Variants in SLC36A1 observed in about 807,000 individuals in gnomAD.
The protein encoded by SLC36A1 is solute carrier family 36 member 1, also known as proton-coupled amino acid transporter 1.
SLC36A1 carries 30 observed loss-of-function variants against 47.5 expected under a neutral mutation model. That is an observed-to-expected ratio of 0.63 (90% CI 0.47 to 0.86). The LOEUF is 0.86. Ranked by LOEUF, SLC36A1 falls within the 40% of genes least tolerant of loss-of-function variation. SLC36A1 has a pLI of 0.00. For missense variants in SLC36A1, 517 were observed against 606.0 expected (o/e 0.85, Z 1.54); for synonymous variants, 255 against 249.7 (o/e 1.02, Z -0.20).
At chr5:151,536,972 A>G in the SLC36A1 span, among the ~76,000 whole-genome samples, 1 of 151,960 alleles carries the variant, frequency 6.6e-6, no homozygotes, top group African/African-American at 2.4e-5. Flanking sequence ...TCTTTGTATA[A>G]ATTCTCCTGC....
chr5:151,538,215 G>A, the SLC36A1 span, among the ~76,000 whole-genome samples: 1 of 152,330 alleles, frequency 6.6e-6, no homozygotes, highest in South Asian at 2.1e-4. Flanking sequence ...GAACGAGTCA[G>A]AAAAGAGAGA....
chr5:151,550,919 C>G, the SLC36A1 span: 2 of 1,583,284 alleles, frequency 1.3e-6, no homozygotes, highest in South Asian at 1.2e-5. Flanking sequence ...CCCAGGGGAA[C>G]AGGGACTGGG....
the SLC36A1 span, among the ~76,000 whole-genome samples, chr5:151,539,513 T>C: frequency 6.6e-6 from 1 of 152,216 alleles, no homozygotes; most frequent in African/African-American, 2.4e-5. Flanking sequence ...TGCATAGGTA[T>C]TTGCCTGTGT....
At chr5:151,412,816 A>G in the SLC36A1 span, 1 of 144,226 alleles carries the variant, frequency 6.9e-6, no homozygotes. Context: ...TATGTCCTCC[A>G]GCCATTCCTG....
At chr5:151,433,239 TA>T (rs1759493665), upstream of SLC36A1, among the ~76,000 whole-genome samples, 2 of 10,220 alleles carry the variant, frequency 2.0e-4, no homozygotes, top group Non-Finnish European at 4.7e-4. Flanking sequence ...TATATATATA[TA>T]TATATATATA....
the SLC36A1 span, chr5:151,553,237 G>A: frequency 6.2e-7 from 1 of 1,614,252 alleles, no homozygotes; most frequent in Non-Finnish European, 8.5e-7. Flanking sequence ...CCCACCATGT[G>A]GTTCACAGGG....
At chr5:151,352,298 C>T in the SLC36A1 span, among the ~76,000 whole-genome samples, 1 of 152,082 alleles carries the variant, frequency 6.6e-6, no homozygotes, top group African/African-American at 2.4e-5. Context: ...TTGTTTATGT[C>T]CTCCCACTAG....
the SLC36A1 span, among the ~76,000 whole-genome samples, chr5:151,393,303 CAT>C: frequency 6.6e-6 from 1 of 152,104 alleles, no homozygotes; most frequent in Non-Finnish European, 1.5e-5. Context: ...TGTGTCTGCA[CAT>C]GAGATGGGTC....
chr5:151,456,481 G>A (rs894031531), intron 1 of SLC36A1, among the ~76,000 whole-genome samples: 8 of 152,178 alleles, frequency 5.3e-5, no homozygotes, highest in Non-Finnish European at 1.2e-4. Context: ...TGACATACCT[G>A]TAAACTGATT....
intron 1 of SLC36A1, among the ~76,000 whole-genome samples, chr5:151,452,971 G>A (rs1753882472): frequency 6.6e-6 from 1 of 151,028 alleles, no homozygotes; most frequent in African/African-American, 2.4e-5. Flanking sequence ...GGAGGCCAAG[G>A]TGGGTGGACC....
At chr5:151,430,585 A>G in the SLC36A1 span, among the ~76,000 whole-genome samples, 1 of 152,088 alleles carries the variant, frequency 6.6e-6, no homozygotes, top group Admixed American at 6.6e-5. Context: ...TGGCCTCCCA[A>G]AGTGCTGGGA....
At chr5:151,399,065 A>AACATATAT in the SLC36A1 span, among the ~76,000 whole-genome samples, 1 of 66,594 alleles carries the variant, frequency 1.5e-5, no homozygotes, top group South Asian at 5.7e-4. Flanking sequence ...TGTGTGTGTA[A>AACATATAT]ATATATATAT....
chr5:151,553,533 G>A, the SLC36A1 span: 2 of 732,812 alleles, frequency 2.7e-6, no homozygotes, highest in Admixed American at 4.6e-5. Flanking sequence ...ATACTTGAAG[G>A]CTTGCTGTAA....
intron 1 of SLC36A1, among the ~76,000 whole-genome samples, chr5:151,452,869 C>CA (rs543863050): frequency 0.067 from 7,221 of 107,004 alleles, 472 homozygotes; most frequent in African/African-American, 0.2. Context: ...GACACCATCT[C>CA]AAAAAAAAAA....
chr5:151,543,927 T>TGTCTCTGCTGTCAGGG, the SLC36A1 span: 1 of 1,614,186 alleles, frequency 6.2e-7, no homozygotes, highest in Non-Finnish European at 8.5e-7. Flanking sequence ...TAGCCTGGAC[T>TGTCTCTGCTGTCAGGG]TTAAGAACCA....
At chr5:151,541,016 C>G in the SLC36A1 span, among the ~76,000 whole-genome samples, 1 of 152,066 alleles carries the variant, frequency 6.6e-6, no homozygotes, top group Non-Finnish European at 1.5e-5. Context: ...TGGCTGAAGG[C>G]AGGGTTTTTT....
the SLC36A1 span, among the ~76,000 whole-genome samples, chr5:151,349,244 T>G: frequency 6.6e-6 from 1 of 152,192 alleles, no homozygotes. Context: ...CTGAATTATC[T>G]TCAGGCCTTT....
At chr5:151,504,046 C>G in the SLC36A1 span, 1 of 152,452 alleles carries the variant, frequency 6.6e-6, no homozygotes, top group Non-Finnish European at 1.5e-5. Context: ...CCTGTGGACC[C>G]TTGCATCGTT....
the SLC36A1 span, among the ~76,000 whole-genome samples, chr5:151,357,316 G>A: frequency 6.6e-6 from 1 of 152,214 alleles, no homozygotes; most frequent in Non-Finnish European, 1.5e-5. Flanking sequence ...GCCAGTATCA[G>A]CATGACAAAA....
Sources: gnomAD v4.1 joint callset for allele counts (sites outside exome capture counted in the v4.1 genomes callset) on GRCh38, gnomAD v4.1.1 for gene constraint, MANE v1.5 for transcripts, NCBI Gene and HGNC (gene_info 2026-07-23, HGNC 2026-07-21) for gene names.